The following DHRSX variants were observed in gnomAD, a reference collection of about 807,000 sequenced individuals.
DHRSX encodes dehydrogenase/reductase X-linked, also known as polyprenol dehydrogenase.
DHRSX carries 31 observed loss-of-function variants against 34.0 expected under a neutral mutation model. That is an observed-to-expected ratio of 0.91 (90% CI 0.69 to 1.23). The LOEUF (loss-of-function observed/expected upper bound fraction) is 1.23. DHRSX is among the 50% of genes most tolerant of loss of function. DHRSX has a pLI of 0.00. For missense variants in DHRSX, 414 were observed against 428.1 expected (o/e 0.97, Z 0.29); for synonymous variants, 201 against 183.8 (o/e 1.09, Z -0.76).
At chrX:2,489,452 T>C (rs2045060981) in intron 1 of DHRSX, 1 of 1,613,712 alleles carries the variant, frequency 6.2e-7, no homozygotes, top group Non-Finnish European at 8.5e-7. Context: ...CAGCAGCGGC[T>C]TCACCATGCT....
At chrX:2,397,212 C>A (rs1375073145) in intron 3 of DHRSX, among the ~76,000 whole-genome samples, 1 of 151,970 alleles carries the variant, frequency 6.6e-6, no homozygotes, top group Non-Finnish European at 1.5e-5. Flanking sequence ...GTTGCCCAGG[C>A]TGGTCTTGAA....
chrX:2,370,590 G>GAGAAAAAAAAAAAA (rs2043045541), intron 3 of DHRSX, among the ~76,000 whole-genome samples: 1 of 132,698 alleles, frequency 7.5e-6, no homozygotes, highest in African/African-American at 3.0e-5. Flanking sequence ...TGGTTTTACT[G>GAGAAAAAAAAAAAA]AAAAAAAAAA....
intron 3 of DHRSX, 106 bp from the exon 4 acceptor site, chrX:2,291,709 C>CT (rs113156917): frequency 0.011 from 4,630 of 421,502 alleles, no homozygotes; most frequent in East Asian, 0.069. Flanking sequence ...GGAAGTAACA[C>CT]TTTTTTTTTT....
chrX:2,325,516 G>A (rs1042175837), intron 3 of DHRSX, among the ~76,000 whole-genome samples: 6 of 152,206 alleles, frequency 3.9e-5, no homozygotes, highest in Non-Finnish European at 8.8e-5. Flanking sequence ...AAGAAAAACA[G>A]GACCGAGAGC....
At chrX:2,471,405 A>G (rs1328537422) in intron 1 of DHRSX, among the ~76,000 whole-genome samples, 1 of 152,144 alleles carries the variant, frequency 6.6e-6, no homozygotes, top group East Asian at 1.9e-4. Flanking sequence ...CTTCTCTACT[A>G]AAAATTCAAA....
chrX:2,371,499 A>C (rs1282526239), intron 3 of DHRSX, among the ~76,000 whole-genome samples: 56 of 103,536 alleles, frequency 5.4e-4, no homozygotes, highest in Non-Finnish European at 7.3e-4. Flanking sequence ...GTTACCGTAG[A>C]CCCTCCCCGT....
chrX:2,302,209 T>G (rs191570506), intron 3 of DHRSX, among the ~76,000 whole-genome samples: 60 of 152,300 alleles, frequency 3.9e-4, no homozygotes, highest in Admixed American at 1.3e-3. Flanking sequence ...AGGCATGTTT[T>G]AAGATAATAT....
intron 3 of DHRSX, among the ~76,000 whole-genome samples, chrX:2,401,979 G>T (rs745498282): frequency 2.3e-4 from 35 of 152,302 alleles, no homozygotes; most frequent in African/African-American, 8.4e-4. Context: ...CCCAGCGTGG[G>T]ATCTCAGAGG....
chrX:2,434,663 G>A (rs1387426321), intron 1 of DHRSX, among the ~76,000 whole-genome samples: 1 of 152,146 alleles, frequency 6.6e-6, no homozygotes, highest in South Asian at 2.1e-4. Context: ...AGAGCAAGAC[G>A]CTGTCTCTTT....
At chrX:2,271,052 G>C (rs933343461) in intron 4 of DHRSX, among the ~76,000 whole-genome samples, 4 of 152,168 alleles carry the variant, frequency 2.6e-5, no homozygotes, top group Non-Finnish European at 4.4e-5. Context: ...CCCCTTCCAC[G>C]TTGTGGAAAC....
At chrX:2,429,200 A>G (rs1269559273) in intron 1 of DHRSX, among the ~76,000 whole-genome samples, 1 of 151,272 alleles carries the variant, frequency 6.6e-6, no homozygotes, top group African/African-American at 2.5e-5. Flanking sequence ...TAGTATCAGT[A>G]GATGTATTGA....
At chrX:2,317,672 A>C (rs1017339542) in intron 3 of DHRSX, among the ~76,000 whole-genome samples, 3 of 152,154 alleles carry the variant, frequency 2.0e-5, no homozygotes, top group South Asian at 2.1e-4. Flanking sequence ...AAATGATTAC[A>C]TTCTTGTGAG....
rs1253107119 is a variant in DHRSX at position 2,368,061 on chromosome X, G to A, written c.286+40684C>T. Among the ~76,000 whole-genome samples, 3 of 151,946 alleles carry A rather than the reference G, an allele frequency of 2.0e-5. No homozygotes were observed. The East Asian group carries it at 5.8e-4, about 29-fold the overall frequency. On this transcript the variant is annotated intron_variant, in intron 3 of 6. Transcript: ENST00000334651. ...AGTTCAAGACCAGCCTGGCCAACAT[G>A]TCAAAACCCCATCTCTACTAAAAAT...
chrX:2,252,499 A>G (rs1304867304), intron 5 of DHRSX, among the ~76,000 whole-genome samples: 1 of 152,206 alleles, frequency 6.6e-6, no homozygotes, highest in Non-Finnish European at 1.5e-5. Context: ...TATCAGCTAC[A>G]AGCATTCGGT....
intron 1 of DHRSX, chrX:2,489,628 G>A (rs1179538285): frequency 6.2e-7 from 1 of 1,612,548 alleles, no homozygotes; most frequent in Non-Finnish European, 8.5e-7. Context: ...GCTGCTCCTT[G>A]AGGCGCTGCA....
At chrX:2,308,385 G>GACAATTGTTCGACAATTGTTTTA (rs990127871) in intron 3 of DHRSX, among the ~76,000 whole-genome samples, 16 of 149,618 alleles carry the variant, frequency 1.1e-4, no homozygotes, top group Admixed American at 1.3e-4. Flanking sequence ...ACAACTGTTC[G>GACAATTGTTCGACAATTGTTTTA]ACAATTGTTC....
At chrX:2,461,013 GC>G (rs1287671214) in intron 1 of DHRSX, among the ~76,000 whole-genome samples, 2 of 152,108 alleles carry the variant, frequency 1.3e-5, no homozygotes, top group African/African-American at 4.8e-5. Flanking sequence ...GAGCCATTGT[GC>G]CCGGCCTCAT....
chrX:2,486,023 A>G (rs1391304362), intron 1 of DHRSX, among the ~76,000 whole-genome samples: 1 of 151,502 alleles, frequency 6.6e-6, no homozygotes, highest in African/African-American at 2.4e-5. Flanking sequence ...TGAGGAAGAC[A>G]GGAAGAGAGG....
intron 2 of DHRSX, 152 bp from the exon 3 acceptor site, chrX:2,408,965 A>G: frequency 1.4e-6 from 1 of 706,566 alleles, no homozygotes; most frequent in Non-Finnish European, 2.4e-6. Flanking sequence ...GTCTAACTTG[A>G]CAGCCATTTT....
Sources: gnomAD v4.1 joint callset for allele counts (sites outside exome capture counted in the v4.1 genomes callset) on GRCh38, gnomAD v4.1.1 for gene constraint, MANE v1.5 for transcripts, NCBI Gene and HGNC (gene_info 2026-07-23, HGNC 2026-07-21) for gene names.